FAXC: variants seen among roughly 807,000 people sequenced by gnomAD.
FAXC encodes failed axon connections homolog.
A neutral mutation model predicts 41.9 loss-of-function variants in FAXC; 10 were observed. The observed-to-expected ratio is 0.24, with a 90% CI of 0.15 to 0.41. The LOEUF (loss-of-function observed/expected upper bound fraction) is 0.41, where lower values mean the gene tolerates loss of function less well. Among genes scored for constraint, FAXC ranks in the 10% least tolerant of loss-of-function variants. The pLI, the probability that FAXC is intolerant of heterozygous loss-of-function variation, is 1.00. For missense variants in FAXC, 399 were observed against 510.9 expected, an observed-to-expected ratio of 0.78 and a Z score of 2.11; for synonymous variants, 183 against 183.8, an observed-to-expected ratio of 1.00 and a Z score of 0.03.
chr6:99,309,893 A>C, intron 4 of FAXC: 2 of 984,752 alleles, frequency 2.0e-6, no homozygotes, highest in Non-Finnish European at 1.2e-6. Flanking sequence ...TCAAATTATT[A>C]TTCTTCTGGC....
At chr6:99,309,806 G>T in intron 4 of FAXC, 1 of 570,358 alleles carries the variant, frequency 1.8e-6, no homozygotes, top group Non-Finnish European at 2.2e-6. Flanking sequence ...CAGGACTCCG[G>T]TATGAACTTG....
chr6:99,317,139 C>T (rs1298102409), intron 4 of FAXC, among the ~76,000 whole-genome samples: 2 of 151,478 alleles, frequency 1.3e-5, no homozygotes, highest in South Asian at 2.1e-4. Context: ...AAGTATATTA[C>T]ATTTTTTATT....
rs1340730957 is a variant in FAXC, at chr6:99,279,213, TC to T, written c.*1950del. 3 of 152,148 alleles carry T rather than the reference TC, an allele frequency of 2.0e-5. No homozygotes were observed. Among genetic ancestry groups the T allele is most frequent in the African/African-American group, 7.2e-5 (3 of 41,434 alleles). The allele number at this position is 152,148 out of a possible 1,614,324, so 9.4% of individuals were successfully genotyped here. A position where few individuals can be genotyped will look rare whatever the true frequency, so the allele number is the denominator to read the frequency against. ...AACAGGCTTATCCATTCATATCTTC[TC>T]CACCACATTCTTATTAGGCATCAAA... On this transcript the variant is annotated 3_prime_UTR_variant, in exon 6 of 6. Coordinates refer to ENST00000389677, the MANE Select transcript of FAXC (RefSeq NM_032511.4).
chr6:99,310,456 C>T (rs962402214), intron 4 of FAXC, among the ~76,000 whole-genome samples: 20 of 152,184 alleles, frequency 1.3e-4, no homozygotes, highest in African/African-American at 4.8e-4. Context: ...GTGTGGTGCC[C>T]GCATAGCTGT....
intron 4 of FAXC, among the ~76,000 whole-genome samples, chr6:99,315,848 T>C (rs990015076): frequency 6.6e-6 from 1 of 152,192 alleles, no homozygotes; most frequent in African/African-American, 2.4e-5. Flanking sequence ...CCACCACTGG[T>C]CCACAGCTGA....
chr6:99,300,082 C>T (rs1348411857), intron 4 of FAXC, among the ~76,000 whole-genome samples: 2 of 152,068 alleles, frequency 1.3e-5, no homozygotes, highest in Admixed American at 6.6e-5. Flanking sequence ...TGAACTATCT[C>T]GACACCTTCC....
At chr6:99,343,808 G>C (rs557138027) in intron 1 of FAXC, among the ~76,000 whole-genome samples, 130 of 152,206 alleles carry the variant, frequency 8.5e-4, no homozygotes, top group African/African-American at 3.0e-3. Context: ...CATGGAACCT[G>C]CCTTCTGGAT....
chr6:99,278,822 T>C lies in FAXC; in HGVS notation c.*2342A>G, dbSNP rs1770720467. ...TGGATGGAATGACTTATTTTACAACTTCATTTTCAAAGTTGGTTCTCCACA... is the reference window on the plus strand; with the variant it reads ...TGGATGGAATGACTTATTTTACAACCTCATTTTCAAAGTTGGTTCTCCACA... On this transcript the variant is annotated 3_prime_UTR_variant, in exon 6 of 6. Transcript: ENST00000389677. The C allele has an allele frequency of 6.6e-6, 1 of 152,230 alleles. No homozygotes were observed. Among genetic ancestry groups the C allele is most frequent in the African/African-American group, 2.4e-5 (1 of 41,464 alleles). The allele number at this position is 152,230 out of a possible 1,614,324, so 9.4% of individuals were successfully genotyped here.
rs780598954 is a variant in FAXC, at chr6:99,323,535, G to A, written c.732C>T (p.Arg244=). The A allele has an allele frequency of 2.5e-5, 41 of 1,614,042 alleles. 1 individual carries two copies. Among genetic ancestry groups the A allele is most frequent in the South Asian group, 9.9e-5 (9 of 91,082 alleles). Residue 244 remains arginine (R), a synonymous_variant, in exon 4 of 6, where the codon CGC becomes CGT. Transcript: ENST00000389677. The part of the protein sequence containing the change: ...VCHITKGIVK[R]EMHGHGIGRF... ...GGCCAATGCCGTGGCCGTGCATCTC[G>A]CGTTTCACAATTCCTTTCGTTATGT...
rs191654577 is a variant in FAXC at position 99,340,309 on chromosome 6, C to A, written c.402+2589G>T. Among the ~76,000 whole-genome samples, 716 of 152,208 alleles carry A rather than the reference C, an allele frequency of 4.7e-3. 2 individuals are homozygous for A. The highest frequency in any genetic ancestry group is 0.017 in the African/African-American group (691 of 41,516). ...AGAGATGGGGTTTCACCATGTTGGCCAGGCTGGTCTTGAACTCCTGACCTC... is the reference window on the plus strand; with the variant it reads ...AGAGATGGGGTTTCACCATGTTGGCAAGGCTGGTCTTGAACTCCTGACCTC... On this transcript the variant is annotated intron_variant, in intron 2 of 5. Transcript: ENST00000389677.
chr6:99,345,645 G>C (rs1773565145), intron 1 of FAXC, among the ~76,000 whole-genome samples: 1 of 152,250 alleles, frequency 6.6e-6, no homozygotes, highest in African/African-American at 2.4e-5. Flanking sequence ...CGATACCACA[G>C]ATGAACATGC....
At chr6:99,293,680 G>C (rs1582627468) in intron 4 of FAXC, among the ~76,000 whole-genome samples, 1 of 109,558 alleles carries the variant, frequency 9.1e-6, no homozygotes, top group Non-Finnish European at 2.0e-5. Context: ...GTGTGTGTGT[G>C]TGTGTGTGTG....
intron 1 of FAXC, among the ~76,000 whole-genome samples, chr6:99,348,551 A>G (rs529566131): frequency 6.6e-6 from 1 of 152,296 alleles, no homozygotes; most frequent in Non-Finnish European, 1.5e-5. Flanking sequence ...CTTGGCGTTC[A>G]ATACCAGATA....
chr6:99,327,092 C>G (rs939266411), intron 3 of FAXC, among the ~76,000 whole-genome samples: 4 of 152,256 alleles, frequency 2.6e-5, no homozygotes, highest in South Asian at 2.1e-4. Context: ...TGGTCTCTCT[C>G]TCTTCTCCTT....
intron 4 of FAXC, among the ~76,000 whole-genome samples, chr6:99,304,328 T>G (rs1771830061): frequency 1.3e-5 from 2 of 151,568 alleles, no homozygotes; most frequent in Admixed American, 1.3e-4. Flanking sequence ...AAAAAAACAC[T>G]GTCCACAAGG....
At chr6:99,340,710 C>A (rs1166251978) in intron 2 of FAXC, among the ~76,000 whole-genome samples, 4 of 137,576 alleles carry the variant, frequency 2.9e-5, no homozygotes, top group Admixed American at 1.6e-4. Context: ...GTTCTGTCAC[C>A]CAGGCTGGAG....
intron 4 of FAXC, among the ~76,000 whole-genome samples, chr6:99,300,502 A>G (rs1771664440): frequency 6.6e-6 from 1 of 152,244 alleles, no homozygotes; most frequent in South Asian, 2.1e-4. Context: ...ACTGATGATC[A>G]GCCTTCCTGG....
At chr6:99,288,175 C>A (rs1189578551) in intron 5 of FAXC, among the ~76,000 whole-genome samples, 2 of 152,210 alleles carry the variant, frequency 1.3e-5, no homozygotes, top group East Asian at 3.8e-4. Context: ...AGAAAAAATT[C>A]TGTAGAGTCT....
intron 4 of FAXC, among the ~76,000 whole-genome samples, chr6:99,294,898 G>A (rs77166237): frequency 0.012 from 1,775 of 152,212 alleles, 38 homozygotes; most frequent in African/African-American, 0.04. Flanking sequence ...ATCTGGCTTC[G>A]AAATGTTAAA....
Sources: gnomAD v4.1 joint callset for allele counts (sites outside exome capture counted in the v4.1 genomes callset) on GRCh38, gnomAD v4.1.1 for gene constraint, MANE v1.5 for transcripts, NCBI Gene and HGNC (gene_info 2026-07-23, HGNC 2026-07-21) for gene names.